Variants in EBLN1 observed in about 807,000 individuals in gnomAD.
The protein encoded by EBLN1 is endogenous Bornavirus-like nucleoprotein 1.
EBLN1 carries 1 observed loss-of-function variant against 0.8 expected under a neutral mutation model. The ratio of observed to expected loss-of-function variants is 1.32; its 90% CI spans 0.47 to 6.26. EBLN1 has a LOEUF of 6.26. EBLN1 is among the 30% of genes most tolerant of loss of function. The pLI is 0.15. For missense variants in EBLN1, 396 were observed against 447.9 expected, an observed-to-expected ratio of 0.88 and a Z score of 1.05; for synonymous variants, 158 against 158.5, an observed-to-expected ratio of 1.00 and a Z score of 0.02.
At chr10:22,210,164 T>A in intron 2 of EBLN1, 137 bp from the exon 3 acceptor site, 1 of 804,326 alleles carries the variant, frequency 1.2e-6, no homozygotes, top group Non-Finnish European at 1.7e-6. Context: ...AATTTCCAAA[T>A]CTCCTTAATT....
intron 1 of EBLN1, among the ~76,000 whole-genome samples, chr10:22,214,459 C>T (rs1336252181): frequency 1.3e-5 from 2 of 151,318 alleles, no homozygotes; most frequent in Non-Finnish European, 2.9e-5. Context: ...ATCACCTTGC[C>T]CAGCCAAGGA....
chr10:22,214,190 T>G (rs1249508925), intron 1 of EBLN1, among the ~76,000 whole-genome samples: 1 of 152,028 alleles, frequency 6.6e-6, no homozygotes, highest in African/African-American at 2.4e-5. Flanking sequence ...AATAAAGGAA[T>G]GAAATATTTT....
At chr10:22,212,814 T>A (rs1190976980) in intron 2 of EBLN1, among the ~76,000 whole-genome samples, 28 bp downstream of exon 2, 1 of 150,880 alleles carries the variant, frequency 6.6e-6, no homozygotes, top group Non-Finnish European at 1.5e-5. Context: ...TTTTTTTTTT[T>A]AAATTAGCTG....
intron 1 of EBLN1, among the ~76,000 whole-genome samples, chr10:22,215,734 G>GA (rs199710219): frequency 6.6e-6 from 1 of 151,628 alleles, no homozygotes; most frequent in Non-Finnish European, 1.5e-5. Context: ...AAATATGAAA[G>GA]AAAAAAATAT....
In EBLN1 at chr10:22,208,844, CT is replaced by C. The variant is rs1311906477; in HGVS notation, c.*38del. 4.8e-6 allele frequency: 7 copies of C among 1,450,372 alleles called. No homozygotes were observed. The Admixed American group carries it at 1.9e-4, about 39-fold the overall frequency. 89.8% of individuals were successfully genotyped at this position (1,450,372 alleles called of 1,614,324 possible). ...TTAGAATGTGATTTTCACATAATTT[CT>C]TTTTATATGTATATATAAGGATTAG... On this transcript the variant is annotated 3_prime_UTR_variant, in exon 3 of 3. Transcript: ENST00000422359.
chr10:22,211,852 T>C (rs915422955), intron 2 of EBLN1, among the ~76,000 whole-genome samples: 1 of 152,130 alleles, frequency 6.6e-6, no homozygotes, highest in African/African-American at 2.4e-5. Context: ...GGTGAGCATG[T>C]GAGCTTTTCC....
intron 2 of EBLN1, among the ~76,000 whole-genome samples, chr10:22,212,003 T>C (rs1368253718): frequency 1.3e-5 from 2 of 152,218 alleles, no homozygotes; most frequent in African/African-American, 4.8e-5. Context: ...TATCTGAGCA[T>C]TCTTTATTGT....
In EBLN1 at chr10:22,216,442, T is replaced by C. The variant is rs1834792868; in HGVS notation, c.-169+1474A>G. ...ACTAAAGATAATATATAACCTACTT[T>C]GAATTATCACCAATAGACTCAAACA... On this transcript the variant is annotated intron_variant, in intron 1 of 2. Coordinates refer to ENST00000422359, the MANE Select transcript of EBLN1 (RefSeq NM_001394757.1). Among the ~76,000 whole-genome samples, 3 of 152,192 alleles carry C rather than the reference T, an allele frequency of 2.0e-5. No homozygotes were observed. In the South Asian group the frequency reaches 6.2e-4, roughly 32 times the overall value.
At position 22,209,456 on chromosome 10, in the gene EBLN1, CA is replaced by C; in HGVS notation, c.527del (p.Leu176CysfsTer9). ...TTAATAAATCAGCACTTTCACTATG[CA>C]AAGGTCTTCCAATGGATATCATCAT... is the stretch of plus-strand genomic sequence containing the variant. ...KAMMISIGRP[L>X]HSESADLLIS... is the part of the protein sequence containing the mutation. On this transcript the variant is annotated frameshift_variant, in exon 3 of 3. Coordinates refer to ENST00000422359, the MANE Select transcript of EBLN1 (RefSeq NM_001394757.1). LOFTEE classifies it low-confidence loss of function (END_TRUNC). 1 of 1,598,130 alleles carries C rather than the reference CA, an allele frequency of 6.3e-7. No homozygotes were observed. The highest frequency in any genetic ancestry group is 8.5e-7 in the Non-Finnish European group (1 of 1,179,508).
chr10:22,213,368 T>A (rs2131945411), intron 1 of EBLN1, among the ~76,000 whole-genome samples: 1 of 152,304 alleles, frequency 6.6e-6, no homozygotes, highest in East Asian at 1.9e-4. Context: ...ATTCTTTAAT[T>A]CCTGTAGGAA....
Position 22,212,713 on chromosome 10 carries a change from G to A in EBLN1, c.-45+129C>T, listed in dbSNP as rs1174926371. ...CCTGTAATCTTAAGTGCTTCAGGAA[G>A]CTAAGGTGGGAGGATCCCTTCAGTC... On this transcript the variant is annotated intron_variant, in intron 2 of 2. Coordinates refer to ENST00000422359, the MANE Select transcript of EBLN1 (RefSeq NM_001394757.1). 3.3e-5 allele frequency among the ~76,000 whole-genome samples: 5 copies of A among 151,854 alleles called. No homozygotes were observed. In the East Asian group the frequency reaches 9.7e-4, roughly 29 times the overall value.
intron 1 of EBLN1, among the ~76,000 whole-genome samples, chr10:22,217,220 G>T (rs1355477068): frequency 6.6e-6 from 1 of 152,260 alleles, no homozygotes; most frequent in African/African-American, 2.4e-5. Flanking sequence ...TCGCCTCCTG[G>T]GTTCAAGTGA....
intron 1 of EBLN1, among the ~76,000 whole-genome samples, chr10:22,214,258 C>A (rs935512709): frequency 5.6e-5 from 8 of 142,820 alleles, no homozygotes; most frequent in Non-Finnish European, 9.1e-5. Context: ...ATTCAAACTC[C>A]ACAGAGGAAT....
rs551441766 is a variant in EBLN1 at position 22,211,179 on chromosome 10, T to C, written c.-44-1152A>G. On this transcript the variant is annotated intron_variant, in intron 2 of 2. Coordinates refer to ENST00000422359, the MANE Select transcript of EBLN1 (RefSeq NM_001394757.1). ...TGCAATGAAAGGTTATTATGTTTTG[T>C]CATGTTCTTAACTGTCTTGTTCCAA... Among the ~76,000 whole-genome samples, 17 of 152,356 alleles carry C rather than the reference T, an allele frequency of 1.1e-4. No individual in the cohort carries two copies. In the South Asian group the frequency reaches 3.5e-3, roughly 32 times the overall value.
In EBLN1 at chr10:22,209,938, T is replaced by C. The variant is rs1163308440; in HGVS notation, c.46A>G (p.Ser16Gly). The change falls in exon 3 of 3, where the codon AGT (serine) becomes GGT (glycine). Residue 16 changes from serine to glycine, a missense_variant. Ser to Gly is a moderately conservative substitution (Grantham distance 56, BLOSUM62 0). Transcript: ENST00000422359. ...TGGAAGCTGCTCCCATCCTTTGTACTGTCTTGTGGGCTGCTGGTCTGTGGG... is the reference window on the plus strand; with the variant it reads ...TGGAAGCTGCTCCCATCCTTTGTACCGTCTTGTGGGCTGCTGGTCTGTGGG... ...NNPQTSSPQD[S>G]TKDGSSFHYF... 6.9e-7 allele frequency: 1 copy of C among 1,445,488 alleles called. No individual in the cohort carries two copies. The highest frequency in any genetic ancestry group is 2.8e-5 in the Admixed American group (1 of 36,236). The allele number at this position is 1,445,488 out of a possible 1,614,324, so 89.5% of individuals were successfully genotyped here.
Position 22,208,932 on chromosome 10 carries a change from G to T in EBLN1, c.1052C>A (p.Pro351Gln). ...ACCGCGAAGGATGTTAAGTGTATAT[G>T]GATCCATGTCACTTCCTCTGGAGAT... The part of the protein sequence containing the change: ...QKISRGSDMD[P>Q]YTLNILRGYG... Residue 351 changes from proline (P) to glutamine (Q), a missense_variant, in exon 3 of 3, where the codon CCA (proline) becomes CAA (glutamine). Transcript: ENST00000422359. 1 of 1,535,670 alleles carries T rather than the reference G, an allele frequency of 6.5e-7. No homozygotes were observed. Among genetic ancestry groups the T allele is most frequent in the South Asian group, 1.2e-5 (1 of 84,052 alleles).
Position 22,209,567 on chromosome 10 carries a change from G to A in EBLN1, c.417C>T (p.His139=). 1 of 1,544,116 alleles carries A rather than the reference G, an allele frequency of 6.5e-7. No homozygotes were observed. The change falls in exon 3 of 3, where the codon CAC becomes CAT. Residue 139 remains histidine, a synonymous_variant. Coordinates refer to ENST00000422359, the MANE Select transcript of EBLN1 (RefSeq NM_001394757.1). ...CAGCAATGCCTATCAGATCACAGCAGTGACGCAGAATTGATGACATCTCAA... is the reference window on the plus strand; with the variant it reads ...CAGCAATGCCTATCAGATCACAGCAATGACGCAGAATTGATGACATCTCAA... ...TALEMSSILR[H]CCDLIGIAAG...
In EBLN1 at chr10:22,209,390, T is replaced by C; in HGVS notation, c.594A>G (p.Ser198=). 6.2e-7 allele frequency: 1 copy of C among 1,605,142 alleles called. No individual in the cohort carries two copies. The change falls in exon 3 of 3, where the codon TCA becomes TCG. Residue 198 remains serine (S), a synonymous_variant. Coordinates refer to ENST00000422359, the MANE Select transcript of EBLN1 (RefSeq NM_001394757.1). ...NAGPAIDWIN[S]RPWVGGLMFT... is the part of the protein sequence containing the mutation. ...ACATTAATCCTCCAACCCATGGTCT[T>C]GAGTTGATCCAATCTATAGCTGGCC... is the stretch of plus-strand genomic sequence containing the variant.
At position 22,209,276 on chromosome 10, in the gene EBLN1, G is replaced by T. The variant is rs1588584445; in HGVS notation, c.708C>A (p.Thr236=). 1 of 1,588,466 alleles carries T rather than the reference G, an allele frequency of 6.3e-7. No individual in the cohort carries two copies. The highest frequency in any genetic ancestry group is 8.5e-7 in the Non-Finnish European group (1 of 1,174,658). ...CCAGGAACATTCTCACAGTGTAGTA[G>T]GTCATCATCTGTGCTTTGCTGGCAA... ...KVVASKAQMM[T]YYTVRMFLDQ... is the part of the protein sequence containing the mutation. The change falls in exon 3 of 3, where the codon ACC becomes ACA. Residue 236 remains threonine (T), a synonymous_variant. Coordinates refer to ENST00000422359, the MANE Select transcript of EBLN1 (RefSeq NM_001394757.1).
Sources: gnomAD v4.1 joint callset for allele counts (sites outside exome capture counted in the v4.1 genomes callset) on GRCh38, gnomAD v4.1.1 for gene constraint, MANE v1.5 for transcripts, NCBI Gene and HGNC (gene_info 2026-07-23, HGNC 2026-07-21) for gene names.